The following TNFRSF10D variants were observed in gnomAD, a reference collection of about 807,000 sequenced individuals.
TNFRSF10D encodes the protein tumor necrosis factor receptor superfamily member 10D.
TNFRSF10D carries 28 observed loss-of-function variants against 42.1 expected under a neutral mutation model. The observed-to-expected ratio is 0.66, with a 90% CI of 0.49 to 0.91. TNFRSF10D has a LOEUF of 0.91. Among genes scored for constraint, TNFRSF10D ranks in the 40% least tolerant of loss-of-function variants. The probability of loss-of-function intolerance (pLI) is 0.00; values close to 1 mark genes in which losing one functional copy is unlikely to be tolerated. For synonymous variants in TNFRSF10D, 186 were observed against 189.4 expected, an observed-to-expected ratio of 0.98 and a Z score of 0.15; for missense variants, 503 against 486.1, an observed-to-expected ratio of 1.03 and a Z score of -0.33.
intron 2 of TNFRSF10D, among the ~76,000 whole-genome samples, chr8:23,153,981 G>A (rs1054533739): frequency 4.6e-5 from 7 of 152,248 alleles, no homozygotes; most frequent in Admixed American, 2.0e-4. Context: ...AGTGTCCATC[G>A]ATGATGAAAA....
At chr8:23,156,665 A>C (rs75164876) in intron 1 of TNFRSF10D, among the ~76,000 whole-genome samples, 2,692 of 152,002 alleles carry the variant, frequency 0.018, 30 homozygotes, top group Middle Eastern at 0.062. Flanking sequence ...CCCGGGCTCA[A>C]GTGGTCCTCC....
intron 7 of TNFRSF10D, among the ~76,000 whole-genome samples, chr8:23,141,142 G>T (rs1331955549): frequency 6.6e-6 from 1 of 152,126 alleles, no homozygotes; most frequent in Non-Finnish European, 1.5e-5. Context: ...GTCCTCAAAA[G>T]CAATGCAATA....
At chr8:23,159,766 A>G (rs893625176) in intron 1 of TNFRSF10D, among the ~76,000 whole-genome samples, 5 of 152,144 alleles carry the variant, frequency 3.3e-5, no homozygotes, top group Admixed American at 6.5e-5. Context: ...AGGAGGCTGA[A>G]GCAGGAGAAT....
At chr8:23,160,312 A>G (rs369272886) in intron 1 of TNFRSF10D, among the ~76,000 whole-genome samples, 906 of 151,864 alleles carry the variant, frequency 6.0e-3, no homozygotes, top group African/African-American at 0.019. Context: ...TCAGCTTACC[A>G]CCTAAGGACA....
intron 7 of TNFRSF10D, among the ~76,000 whole-genome samples, chr8:23,143,769 A>G (rs1800066726): frequency 6.6e-6 from 1 of 152,142 alleles, no homozygotes; most frequent in African/African-American, 2.4e-5. Context: ...AAGAAATGGC[A>G]CCTACGTTCC....
At chr8:23,141,417 A>G (rs1478842150) in intron 7 of TNFRSF10D, among the ~76,000 whole-genome samples, 1 of 152,006 alleles carries the variant, frequency 6.6e-6, no homozygotes, top group East Asian at 1.9e-4. Context: ...AGGAGGGAGA[A>G]TCACTTGAAC....
intron 2 of TNFRSF10D, among the ~76,000 whole-genome samples, chr8:23,153,883 G>A (rs752965348): frequency 6.6e-6 from 1 of 152,180 alleles, no homozygotes; most frequent in Admixed American, 6.5e-5. Flanking sequence ...TACATCCAAA[G>A]GAAATGACAT....
chr8:23,152,713 G>A (rs149761000), intron 2 of TNFRSF10D, among the ~76,000 whole-genome samples: 365 of 152,236 alleles, frequency 2.4e-3, no homozygotes, highest in African/African-American at 6.8e-3. Context: ...TGAAAGAAAC[G>A]GAAAGTAACA....
rs775623287 is a variant in TNFRSF10D, at chr8:23,138,007, A to G, written c.1028-4T>C. On this transcript the variant is annotated splice_polypyrimidine_tract_variant and splice_region_variant and intron_variant, in intron 8 of 8. Coordinates refer to ENST00000312584, the MANE Select transcript of TNFRSF10D (RefSeq NM_003840.5). ...GAGGCATCCAGCAAGGTGCTGACTG[A>G]GAAGAGAGAAGAGATTTAGGGTCTC... 6.2e-7 allele frequency: 1 copy of G among 1,613,800 alleles called. No homozygotes were observed. Among genetic ancestry groups the G allele is most frequent in the South Asian group, 1.1e-5 (1 of 91,062 alleles).
intron 1 of TNFRSF10D, among the ~76,000 whole-genome samples, chr8:23,163,045 C>T: frequency 6.6e-6 from 1 of 150,498 alleles, no homozygotes; most frequent in South Asian, 2.1e-4. Context: ...CCTCAGCCTC[C>T]TGAGTAGCTG....
chr8:23,151,170 A>C (rs1012734918), intron 2 of TNFRSF10D, among the ~76,000 whole-genome samples: 2 of 152,208 alleles, frequency 1.3e-5, no homozygotes, highest in Non-Finnish European at 2.9e-5. Context: ...AGAGACAAGC[A>C]ATGTACAAAG....
At position 23,146,993 on chromosome 8, in the gene TNFRSF10D, G is replaced by T; in HGVS notation, c.450C>A (p.Asn150Lys). 5 of 1,613,392 alleles carry T rather than the reference G, an allele frequency of 3.1e-6. No homozygotes were observed. Among genetic ancestry groups the T allele is most frequent in the Non-Finnish European group, 4.2e-6 (5 of 1,180,018 alleles). ...TACACGTCCGGCACATCTCAGGGGA[G>T]TTTTTATCCTGGAAGCTTCCTTTTT... is the stretch of plus-strand genomic sequence containing the variant. ...QCEKGSFQDK[N>K]SPEMCRTCRT... Residue 150 changes from asparagine to lysine, a missense_variant, in exon 4 of 9, where the codon AAC (asparagine) becomes AAA (lysine). By Grantham distance (94) the Asn-to-Lys change is moderately conservative (BLOSUM62 0). Coordinates refer to ENST00000312584, the MANE Select transcript of TNFRSF10D (RefSeq NM_003840.5).
chr8:23,137,838 G>T lies in TNFRSF10D; in HGVS notation c.*32C>A, dbSNP rs1218348072. 1.3e-6 allele frequency: 2 copies of T among 1,597,534 alleles called. No homozygotes were observed. Among genetic ancestry groups the T allele is most frequent in the East Asian group, 2.2e-5 (1 of 44,854 alleles). ...TCCCTTTGTAGGAGAAAAGGTAAAT[G>T]AGGGAAGCTCTGGTTTCCTGAAGAG... On this transcript the variant is annotated 3_prime_UTR_variant, in exon 9 of 9. Transcript: ENST00000312584.
At chr8:23,140,699 G>C (rs1479495583) in intron 7 of TNFRSF10D, among the ~76,000 whole-genome samples, 1 of 152,140 alleles carries the variant, frequency 6.6e-6, no homozygotes, top group Non-Finnish European at 1.5e-5. Context: ...TCTTGTGATA[G>C]TGAATAAGAC....
chr8:23,153,604 G>A (rs764972980), intron 2 of TNFRSF10D, among the ~76,000 whole-genome samples: 843 of 151,912 alleles, frequency 5.5e-3, no homozygotes, highest in African/African-American at 0.017. Context: ...AGAAGTGGCC[G>A]ACAGGTATAT....
Position 23,145,717 on chromosome 8 carries a change from G to A in TNFRSF10D, c.687C>T (p.Gly229=). The change falls in exon 5 of 9, where the codon GGC becomes GGT. Residue 229 remains glycine, a synonymous_variant. Transcript: ENST00000312584. ...AAATGAATTTCTTCCGACATGAAAA[G>A]CCAACCACAACCACAGCTAAAATGA... The part of the protein sequence containing the change: ...LVIILAVVVV[G]FSCRKKFISY... 1.2e-6 allele frequency: 2 copies of A among 1,614,192 alleles called. No homozygotes were observed. The highest frequency in any genetic ancestry group is 1.1e-5 in the South Asian group (1 of 91,082).
chr8:23,135,829 G>C lies in TNFRSF10D; in HGVS notation c.*2041C>G. 4.5e-6 allele frequency: 2 copies of C among 444,968 alleles called. No homozygotes were observed. The highest frequency in any genetic ancestry group is 9.0e-6 in the Non-Finnish European group (2 of 222,274). 27.6% of individuals were successfully genotyped at this position (444,968 alleles called of 1,614,324 possible). On this transcript the variant is annotated 3_prime_UTR_variant, in exon 9 of 9. Transcript: ENST00000312584. ...GAAGGCCTCTGAGGAAGGGACAAAG[G>C]AGCTGGGACCGGACTGGCTCTCTCT...
intron 5 of TNFRSF10D, 57 bp downstream of exon 5, chr8:23,145,611 A>G: frequency 6.2e-7 from 1 of 1,609,494 alleles, no homozygotes; most frequent in Non-Finnish European, 8.5e-7. Context: ...GTGGGAACGG[A>G]GTGGGAGAGG....
At chr8:23,149,393 A>G (rs1282746033) in intron 2 of TNFRSF10D, among the ~76,000 whole-genome samples, 1 of 150,836 alleles carries the variant, frequency 6.6e-6, no homozygotes, top group Non-Finnish European at 1.5e-5. Context: ...ACCCACCACC[A>G]CGCCCAGCTA....
Sources: gnomAD v4.1 joint callset for allele counts (sites outside exome capture counted in the v4.1 genomes callset) on GRCh38, gnomAD v4.1.1 for gene constraint, MANE v1.5 for transcripts, NCBI Gene and HGNC (gene_info 2026-07-23, HGNC 2026-07-21) for gene names.